The following BICC1 variants were observed in gnomAD, a reference collection of about 807,000 sequenced individuals.
BICC1 encodes BicC family RNA binding protein 1, also known as protein bicaudal C homolog 1.
BICC1 carries 43 observed loss-of-function variants against 111.0 expected under a neutral mutation model. The observed-to-expected ratio is 0.39, with a 90% CI of 0.30 to 0.50. BICC1 has a LOEUF of 0.50. Among genes scored for constraint, BICC1 ranks in the 20% least tolerant of loss-of-function variants. The pLI, the probability that BICC1 is intolerant of heterozygous loss-of-function variation, is 0.88. For synonymous variants in BICC1, 467 were observed against 434.4 expected (o/e 1.07, Z -0.93); for missense variants, 1,091 against 1,203.2 (o/e 0.91, Z 1.38).
chr10:58,699,341 T>C (rs1840160355), intron 2 of BICC1, among the ~76,000 whole-genome samples: 2 of 152,066 alleles, frequency 1.3e-5, no homozygotes, highest in African/African-American at 4.8e-5. Context: ...TTAGAGGGAG[T>C]GTGTATAAAG....
At chr10:58,810,419 C>T (rs1437647270) in intron 17 of BICC1, among the ~76,000 whole-genome samples, 1 of 152,166 alleles carries the variant, frequency 6.6e-6, no homozygotes, top group Non-Finnish European at 1.5e-5. Flanking sequence ...CTTTTCTTCA[C>T]TGCCTCTTTA....
In BICC1 at chr10:58,813,963, C is replaced by G; in HGVS notation, c.2510C>G (p.Pro837Arg). Residue 837 changes from proline to arginine, a missense_variant, in exon 18 of 21, where the codon CCT becomes CGT. Transcript: ENST00000373886. ...GAATTTGCAGCTTCTATTGGCAGCC[C>G]TAAGCGTAAACAAAACAAATCAAGT... is the stretch of plus-strand genomic sequence containing the variant. Reference protein sequence around the residue: ...HSEFAASIGSPKRKQNKSTEH... With the variant: ...HSEFAASIGSRKRKQNKSTEH... 6.2e-7 allele frequency: 1 copy of G among 1,614,024 alleles called. No individual in the cohort carries two copies. Among genetic ancestry groups the G allele is most frequent in the Non-Finnish European group, 8.5e-7 (1 of 1,179,932 alleles).
intron 2 of BICC1, among the ~76,000 whole-genome samples, chr10:58,627,897 A>T (rs902605079): frequency 6.6e-6 from 1 of 152,218 alleles, no homozygotes; most frequent in African/African-American, 2.4e-5. Flanking sequence ...TCAGCCATGT[A>T]ATATTTGAAA....
rs371034366 is a variant in BICC1, at chr10:58,661,851, T to C, written c.238-40223T>C. Among the ~76,000 whole-genome samples the C allele has an allele frequency of 3.9e-5, 6 of 152,222 alleles. No homozygotes were observed. The East Asian group carries it at 9.7e-4, about 24-fold the overall frequency. The stretch of plus-strand genomic sequence containing the variant: ...CTTTTAACATATGAGGCATTGAAAT[T>C]TGGTATAGTTTTAAAAGATGAAATC... On this transcript the variant is annotated intron_variant, in intron 2 of 20. Coordinates refer to ENST00000373886, the MANE Select transcript of BICC1 (RefSeq NM_001080512.3).
chr10:58,789,564 AT>A, intron 7 of BICC1, 108 bp downstream of exon 7: 3 of 1,517,424 alleles, frequency 2.0e-6, no homozygotes, highest in Admixed American at 1.9e-5. Context: ...TTCGTTCTAC[AT>A]TTTGGTTTGC....
At chr10:58,721,951 A>C (rs1362707775) in intron 3 of BICC1, among the ~76,000 whole-genome samples, 1 of 152,196 alleles carries the variant, frequency 6.6e-6, no homozygotes, top group Admixed American at 6.5e-5. Flanking sequence ...ACTTGAGCCA[A>C]GTTAGGAAAA....
At chr10:58,556,193 T>C (rs2131933129) in intron 1 of BICC1, among the ~76,000 whole-genome samples, 1 of 152,204 alleles carries the variant, frequency 6.6e-6, no homozygotes, top group East Asian at 1.9e-4. Flanking sequence ...CTTGAATATG[T>C]CTAATTTTTA....
chr10:58,532,877 C>T (rs1320728348), intron 1 of BICC1, among the ~76,000 whole-genome samples: 2 of 151,774 alleles, frequency 1.3e-5, no homozygotes, highest in African/African-American at 4.8e-5. Flanking sequence ...ATTGTAACAG[C>T]AGATGAAACA....
At chr10:58,713,720 G>C (rs975458192) in intron 3 of BICC1, among the ~76,000 whole-genome samples, 1 of 152,158 alleles carries the variant, frequency 6.6e-6, no homozygotes, top group African/African-American at 2.4e-5. Context: ...GCTACATTTG[G>C]TTCTTAAGTG....
At chr10:58,765,171 C>T (rs2132698512) in intron 3 of BICC1, among the ~76,000 whole-genome samples, 1 of 152,256 alleles carries the variant, frequency 6.6e-6, no homozygotes, top group African/African-American at 2.4e-5. Flanking sequence ...CAACCTCCGC[C>T]TCTCCGTTCA....
intron 2 of BICC1, among the ~76,000 whole-genome samples, chr10:58,632,433 C>G (rs893316655): frequency 2.0e-5 from 3 of 152,030 alleles, no homozygotes; most frequent in Admixed American, 1.3e-4. Context: ...GGGGCATACT[C>G]CAGAGGAGAA....
intron 1 of BICC1, among the ~76,000 whole-genome samples, chr10:58,574,305 G>A (rs1006369349): frequency 1.3e-5 from 2 of 152,094 alleles, no homozygotes; most frequent in African/African-American, 4.8e-5. Flanking sequence ...CATTTTTGTG[G>A]TTGATGGGAA....
intron 1 of BICC1, among the ~76,000 whole-genome samples, chr10:58,589,360 A>G (rs1276994117): frequency 1.3e-5 from 2 of 152,202 alleles, no homozygotes; most frequent in African/African-American, 4.8e-5. Context: ...CATTTCACAT[A>G]AGAGGAAACT....
At chr10:58,565,962 C>G (rs1224574572) in intron 1 of BICC1, among the ~76,000 whole-genome samples, 1 of 152,082 alleles carries the variant, frequency 6.6e-6, no homozygotes, top group Non-Finnish European at 1.5e-5. Context: ...ATCCCTCAGC[C>G]CCATCCCACC....
intron 18 of BICC1, among the ~76,000 whole-genome samples, chr10:58,816,284 T>C (rs974280720): frequency 4.6e-5 from 7 of 152,172 alleles, no homozygotes; most frequent in African/African-American, 1.7e-4. Context: ...TAGTCACTCC[T>C]CCTCAAACTG....
At chr10:58,688,491 C>T (rs1438969334) in intron 2 of BICC1, among the ~76,000 whole-genome samples, 1 of 152,052 alleles carries the variant, frequency 6.6e-6, no homozygotes, top group Non-Finnish European at 1.5e-5. Flanking sequence ...ACCCAGAAGC[C>T]CAGCCGGCTT....
chr10:58,800,367 T>C, intron 13 of BICC1, 41 bp downstream of exon 13: 1 of 1,597,022 alleles, frequency 6.3e-7, no homozygotes, highest in Non-Finnish European at 8.5e-7. Flanking sequence ...TTGGTTGTTA[T>C]TTGGAAAAAG....
At chr10:58,673,068 C>T (rs545072714) in intron 2 of BICC1, among the ~76,000 whole-genome samples, 296 of 152,278 alleles carry the variant, frequency 1.9e-3, no homozygotes, top group African/African-American at 6.4e-3. Flanking sequence ...CTAGCTCTCC[C>T]TTGTGACATC....
intron 2 of BICC1, among the ~76,000 whole-genome samples, chr10:58,647,990 A>G (rs1838320843): frequency 6.6e-6 from 1 of 152,190 alleles, no homozygotes; most frequent in Non-Finnish European, 1.5e-5. Flanking sequence ...CAGAAACCAC[A>G]TATTTTTTTC....
Sources: gnomAD v4.1 joint callset for allele counts (sites outside exome capture counted in the v4.1 genomes callset) on GRCh38, gnomAD v4.1.1 for gene constraint, MANE v1.5 for transcripts, NCBI Gene and HGNC (gene_info 2026-07-23, HGNC 2026-07-21) for gene names.